The following CADM2 variants were observed in gnomAD, a reference collection of about 807,000 sequenced individuals.
CADM2 encodes immunoglobulin superfamily member 4D.
CADM2 carries 12 observed loss-of-function variants against 49.8 expected under a neutral mutation model. The ratio of observed to expected loss-of-function variants is 0.24; its 90% CI spans 0.15 to 0.39. CADM2 has a LOEUF of 0.39. Ranked by LOEUF, CADM2 falls within the 10% of genes least tolerant of loss-of-function variation. The pLI, the probability that CADM2 is intolerant of heterozygous loss-of-function variation, is 1.00. For synonymous variants in CADM2, 214 were observed against 175.4 expected, an observed-to-expected ratio of 1.22 and a Z score of -1.74; for missense variants, 378 against 492.3, an observed-to-expected ratio of 0.77 and a Z score of 2.20.
intron 3 of CADM2, among the ~76,000 whole-genome samples, chr3:85,882,263 AAAG>A (rs1270467905): frequency 1.3e-5 from 2 of 151,966 alleles, no homozygotes; most frequent in Non-Finnish European, 1.5e-5. Flanking sequence ...CATCCTAGAA[AAAG>A]AGGTCACTTT....
chr3:85,705,483 A>G (rs1361779942), intron 1 of CADM2, among the ~76,000 whole-genome samples: 1 of 152,200 alleles, frequency 6.6e-6, no homozygotes, highest in African/African-American at 2.4e-5. Context: ...TAGACTGGGT[A>G]AATGAACATG....
At chr3:85,387,142 C>G (rs1274561889) in intron 1 of CADM2, among the ~76,000 whole-genome samples, 2 of 151,960 alleles carry the variant, frequency 1.3e-5, no homozygotes, top group Admixed American at 1.3e-4. Context: ...TTGAAAGTAG[C>G]AAAAAGGGAT....
chr3:85,318,683 A>G (rs1453923939), intron 1 of CADM2, among the ~76,000 whole-genome samples: 1 of 152,192 alleles, frequency 6.6e-6, no homozygotes, highest in African/African-American at 2.4e-5. Flanking sequence ...GAAATAAAGA[A>G]AATACACTTG....
intron 1 of CADM2, among the ~76,000 whole-genome samples, chr3:85,707,131 C>T (rs1160918717): frequency 6.6e-6 from 1 of 151,894 alleles, no homozygotes; most frequent in East Asian, 1.9e-4. Context: ...CAAGCCCAAC[C>T]TTACTTTATA....
At chr3:85,074,903 T>A (rs2036884279) in intron 1 of CADM2, among the ~76,000 whole-genome samples, 1 of 151,534 alleles carries the variant, frequency 6.6e-6, no homozygotes, top group Non-Finnish European at 1.5e-5. Flanking sequence ...AAAATCCTAC[T>A]CAGAGGTATT....
intron 1 of CADM2, among the ~76,000 whole-genome samples, chr3:85,531,129 A>G (rs2061300501): frequency 6.6e-6 from 1 of 152,162 alleles, no homozygotes; most frequent in African/African-American, 2.4e-5. Flanking sequence ...ATATCCTTCT[A>G]CTAAAATCAT....
intron 1 of CADM2, among the ~76,000 whole-genome samples, chr3:85,302,408 A>T (rs2044123365): frequency 6.6e-6 from 1 of 152,058 alleles, no homozygotes; most frequent in African/African-American, 2.4e-5. Flanking sequence ...GACTTGACAT[A>T]GCTAGAGACT....
chr3:85,346,337 T>C (rs1480249331), intron 1 of CADM2, among the ~76,000 whole-genome samples: 1 of 152,174 alleles, frequency 6.6e-6, no homozygotes. Context: ...CACTGTTACT[T>C]TGACATTTTT....
chr3:85,219,166 G>C (rs1365808419), intron 1 of CADM2, among the ~76,000 whole-genome samples: 1 of 152,164 alleles, frequency 6.6e-6, no homozygotes, highest in Non-Finnish European at 1.5e-5. Flanking sequence ...AAAAAGAATA[G>C]TATGATCCAA....
At chr3:85,896,798 C>A (rs187556218) in intron 5 of CADM2, among the ~76,000 whole-genome samples, 18 of 152,288 alleles carry the variant, frequency 1.2e-4, no homozygotes, top group Non-Finnish European at 1.9e-4. Context: ...TTACTGTAAG[C>A]TGCTTATATC....
At chr3:85,750,881 G>A (rs1412743520) in intron 2 of CADM2, among the ~76,000 whole-genome samples, 1 of 152,062 alleles carries the variant, frequency 6.6e-6, no homozygotes, top group African/African-American at 2.4e-5. Flanking sequence ...GACAAGCTTA[G>A]TGAGAACTTG....
At chr3:85,616,899 A>G (rs559770669) in intron 1 of CADM2, among the ~76,000 whole-genome samples, 13 of 152,244 alleles carry the variant, frequency 8.5e-5, no homozygotes, top group African/African-American at 3.1e-4. Context: ...ATACTAACAA[A>G]CTTGGCTAAG....
At chr3:85,970,993 A>G (rs1451676648) in intron 8 of CADM2, among the ~76,000 whole-genome samples, 1 of 151,660 alleles carries the variant, frequency 6.6e-6, no homozygotes, top group Non-Finnish European at 1.5e-5. Context: ...ATCTTAAAAC[A>G]GTTTTTAATC....
intron 1 of CADM2, among the ~76,000 whole-genome samples, chr3:85,119,785 G>T (rs1295183433): frequency 6.6e-6 from 1 of 152,148 alleles, no homozygotes; most frequent in Non-Finnish European, 1.5e-5. Flanking sequence ...GTTCACTCAT[G>T]ATTTGGCTCT....
intron 1 of CADM2, among the ~76,000 whole-genome samples, chr3:85,523,583 G>T (rs1218759633): frequency 1.3e-5 from 2 of 151,886 alleles, no homozygotes; most frequent in African/African-American, 4.8e-5. Context: ...TTTGATATCT[G>T]AAATTTTTTT....
chr3:84,994,661 A>G (rs1340063008), intron 1 of CADM2, among the ~76,000 whole-genome samples: 1 of 152,182 alleles, frequency 6.6e-6, no homozygotes, highest in Non-Finnish European at 1.5e-5. Context: ...TGTGTAGAGT[A>G]TGACTTAATA....
At chr3:85,550,978 G>GTTTATTTATTTATTTA (rs570441969) in intron 1 of CADM2, among the ~76,000 whole-genome samples, 14 of 115,276 alleles carry the variant, frequency 1.2e-4, no homozygotes, top group African/African-American at 3.7e-4. Flanking sequence ...TTGTTTGTTT[G>GTTTATTTATTTATTTA]TTTATTTATT....
intron 1 of CADM2, among the ~76,000 whole-genome samples, chr3:85,303,873 G>A (rs1043329368): frequency 6.6e-6 from 1 of 151,760 alleles, no homozygotes. Flanking sequence ...ATATAACTAG[G>A]TAGCAATTAA....
intron 3 of CADM2, among the ~76,000 whole-genome samples, chr3:85,872,792 A>G (rs1418419130): frequency 6.6e-6 from 1 of 151,420 alleles, no homozygotes. Context: ...AATTTTCCAA[A>G]ATTTTATGGT....
Sources: allele counts gnomAD v4.1 joint callset (sites outside exome capture counted in the v4.1 genomes callset), GRCh38; gene constraint gnomAD v4.1.1; transcripts MANE v1.5; gene names NCBI Gene and HGNC (gene_info 2026-07-23, HGNC 2026-07-21).